Variants in SCG5 observed in about 807,000 individuals in gnomAD.
The protein encoded by SCG5 is neuroendocrine protein 7B2.
SCG5 carries 18 observed loss-of-function variants against 25.7 expected under a neutral mutation model. That is an observed-to-expected ratio of 0.70 (90% CI 0.48 to 1.04). SCG5 has a LOEUF of 1.04. Ranked by LOEUF, SCG5 falls within the 50% of genes least tolerant of loss-of-function variation. The pLI, the probability that SCG5 is intolerant of heterozygous loss-of-function variation, is 0.00. For synonymous variants in SCG5, 101 were observed against 91.7 expected, an observed-to-expected ratio of 1.10 and a Z score of -0.58; for missense variants, 206 against 259.8, an observed-to-expected ratio of 0.79 and a Z score of 1.42.
At chr15:32,665,417 T>C (rs2054302812) in intron 2 of SCG5, among the ~76,000 whole-genome samples, 1 of 152,168 alleles carries the variant, frequency 6.6e-6, no homozygotes, top group Non-Finnish European at 1.5e-5. Context: ...TTCTGAAAGA[T>C]GCAACATGGA....
intron 2 of SCG5, among the ~76,000 whole-genome samples, chr15:32,677,056 T>C (rs1441929066): frequency 6.6e-6 from 1 of 152,196 alleles, no homozygotes; most frequent in Non-Finnish European, 1.5e-5. Flanking sequence ...TAAAATACCT[T>C]ATATTACATA....
At chr15:32,696,432 G>C in intron 5 of SCG5, 82 bp from the exon 6 acceptor site, 1 of 1,038,990 alleles carries the variant, frequency 9.6e-7, no homozygotes, top group Non-Finnish European at 1.5e-6. Flanking sequence ...AACGATTCTT[G>C]TTCATTTCTT....
chr15:32,660,435 CTG>C (rs984800734), intron 2 of SCG5, among the ~76,000 whole-genome samples: 2 of 152,196 alleles, frequency 1.3e-5, no homozygotes, highest in African/African-American at 2.4e-5. Flanking sequence ...ATCAAGGAGA[CTG>C]TGTGAATGAC....
At chr15:32,664,682 GTAA>G (rs1441835094) in intron 2 of SCG5, among the ~76,000 whole-genome samples, 3 of 152,208 alleles carry the variant, frequency 2.0e-5, no homozygotes, top group African/African-American at 7.2e-5. Context: ...TCCAGGAGCA[GTAA>G]TAAAGAGATC....
intron 4 of SCG5, among the ~76,000 whole-genome samples, chr15:32,687,228 GC>G (rs1481637923): frequency 6.6e-6 from 1 of 152,134 alleles, no homozygotes; most frequent in Non-Finnish European, 1.5e-5. Flanking sequence ...CACTTCCAGT[GC>G]CCCAGTATGA....
Position 32,692,642 on chromosome 15 carries a change from AG to A in SCG5, c.543+880del, listed in dbSNP as rs372972465. On this transcript the variant is annotated intron_variant, in intron 5 of 5. Transcript: ENST00000300175. ...AATGCTATGAGATAGTGACCATTTT[AG>A]TTAAAACATACAAACCTAAGCACGT... Among the ~76,000 whole-genome samples the A allele has an allele frequency of 2.7e-3, 407 of 152,322 alleles. 2 individuals carry two copies. The highest frequency in any genetic ancestry group is 9.0e-3 in the African/African-American group (373 of 41,568).
At position 32,671,749 on chromosome 15, in the gene SCG5, G is replaced by A. The variant is rs528776394; in HGVS notation, c.227-8017G>A. On this transcript the variant is annotated intron_variant, in intron 2 of 5. Transcript: ENST00000300175. Reference sequence around the variant, plus strand: ...TTTGGGGCAAGTTGGACCTTAGGAAGGAGATTTCTGGGTCTCGGGGTTTCT... The same window carrying A: ...TTTGGGGCAAGTTGGACCTTAGGAAAGAGATTTCTGGGTCTCGGGGTTTCT... 1.2e-3 allele frequency among the ~76,000 whole-genome samples: 181 copies of A among 152,220 alleles called. 2 individuals are homozygous for A. The highest frequency in any genetic ancestry group is 2.8e-3 in the Admixed American group (43 of 15,296).
intron 2 of SCG5, among the ~76,000 whole-genome samples, chr15:32,661,854 TAAAG>T (rs1375524534): frequency 1.3e-5 from 2 of 152,302 alleles, no homozygotes; most frequent in East Asian, 3.9e-4. Flanking sequence ...GAAAATAAAA[TAAAG>T]ATTGTTTAGA....
intron 3 of SCG5, among the ~76,000 whole-genome samples, chr15:32,680,861 G>T (rs929304527): frequency 2.0e-5 from 3 of 152,294 alleles, no homozygotes; most frequent in South Asian, 4.1e-4. Context: ...ATCCGGCTTT[G>T]AGCAGCTGAC....
chr15:32,679,953 G>A (rs149427304), intron 3 of SCG5, 38 bp downstream of exon 3: 1 of 1,545,532 alleles, frequency 6.5e-7, no homozygotes, highest in East Asian at 2.3e-5. Context: ...GAAAAGTTGG[G>A]GCTTTGGAAG....
chr15:32,658,805 C>A (rs537296081), intron 2 of SCG5, among the ~76,000 whole-genome samples: 11 of 152,334 alleles, frequency 7.2e-5, no homozygotes, highest in African/African-American at 2.6e-4. Context: ...TGGTCAAATA[C>A]ATGCACAGAT....
At chr15:32,661,395 G>A (rs1230003412) in intron 2 of SCG5, among the ~76,000 whole-genome samples, 1 of 152,172 alleles carries the variant, frequency 6.6e-6, no homozygotes, top group African/African-American at 2.4e-5. Flanking sequence ...CGAGGCGGGC[G>A]GATCACCTGA....
At position 32,680,737 on chromosome 15, in the gene SCG5, G is replaced by T. The variant is rs867174859; in HGVS notation, c.376+822G>T. The stretch of plus-strand genomic sequence containing the variant: ...CAGGAGGTGGCATGGGAGAGAAGAG[G>T]TTCAGGAAGAAGCTGGTTAAGGAAG... On this transcript the variant is annotated intron_variant, in intron 3 of 5. Transcript: ENST00000300175. Among the ~76,000 whole-genome samples the T allele has an allele frequency of 1.1e-4, 17 of 152,264 alleles. 1 individual carries two copies. In the South Asian group the frequency reaches 2.5e-3, roughly 22 times the overall value.
chr15:32,691,523 C>T (rs2054856736), intron 4 of SCG5, among the ~76,000 whole-genome samples, 187 bp from the exon 5 acceptor site: 2 of 152,160 alleles, frequency 1.3e-5, no homozygotes, highest in African/African-American at 2.4e-5. Flanking sequence ...TATTAAAAGC[C>T]GAACCACCAC....
chr15:32,663,032 AATATATATAT>A (rs67571496), intron 2 of SCG5, among the ~76,000 whole-genome samples: 947 of 79,208 alleles, frequency 0.012, 20 homozygotes, highest in Non-Finnish European at 0.015. Flanking sequence ...AAAAAAAAAG[AATATATATAT>A]ATATATATAT....
At position 32,682,687 on chromosome 15, in the gene SCG5, G is replaced by T. The variant is rs187448264; in HGVS notation, c.377-1870G>T. ...CTCATTCTTTGTTCTGCCACAATCTGCATTCCAAGAATGAAATCGCTTGCT... is the reference window on the plus strand; with the variant it reads ...CTCATTCTTTGTTCTGCCACAATCTTCATTCCAAGAATGAAATCGCTTGCT... On this transcript the variant is annotated intron_variant, in intron 3 of 5. Coordinates refer to ENST00000300175, the MANE Select transcript of SCG5 (RefSeq NM_001144757.3). Among the ~76,000 whole-genome samples the T allele has an allele frequency of 1.7e-3, 260 of 152,308 alleles. 1 individual carries two copies. The highest frequency in any genetic ancestry group is 3.3e-3 in the Non-Finnish European group (223 of 68,030).
At chr15:32,675,308 CT>C (rs772715018) in intron 2 of SCG5, among the ~76,000 whole-genome samples, 7 of 152,154 alleles carry the variant, frequency 4.6e-5, no homozygotes, top group Non-Finnish European at 8.8e-5. Context: ...ACCTCACAAG[CT>C]TTTGACTCAT....
At chr15:32,666,984 T>C (rs1217689421) in intron 2 of SCG5, among the ~76,000 whole-genome samples, 1 of 152,202 alleles carries the variant, frequency 6.6e-6, no homozygotes, top group Admixed American at 6.5e-5. Context: ...TGTGATGTAC[T>C]CTAAGTATAA....
chr15:32,676,618 G>A (rs1055079431), intron 2 of SCG5, among the ~76,000 whole-genome samples: 2 of 152,192 alleles, frequency 1.3e-5, no homozygotes, highest in African/African-American at 2.4e-5. Context: ...TGGAATCATA[G>A]GTATCCCTAC....
Sources: gnomAD v4.1 joint callset for allele counts (sites outside exome capture counted in the v4.1 genomes callset) on GRCh38, gnomAD v4.1.1 for gene constraint, MANE v1.5 for transcripts, NCBI Gene and HGNC (gene_info 2026-07-23, HGNC 2026-07-21) for gene names.